The following PRRC2C variants were observed in gnomAD, a reference collection of about 807,000 sequenced individuals.
PRRC2C encodes the protein protein PRRC2C.
In PRRC2C, 72 loss-of-function variants were observed where a neutral mutation model predicts 317.2. The observed-to-expected ratio is 0.23, with a 90% confidence interval of 0.19 to 0.28. The LOEUF (loss-of-function observed/expected upper bound fraction) is 0.28. PRRC2C is among the 10% of genes least tolerant of loss of function. The pLI, the probability that PRRC2C is intolerant of heterozygous loss-of-function variation, is 1.00. For missense variants in PRRC2C, 3,074 were observed against 3,459.7 expected, an observed-to-expected ratio of 0.89 and a Z score of 2.80; for synonymous variants, 1,296 against 1,205.9, an observed-to-expected ratio of 1.07 and a Z score of -1.55.
At chr1:171,559,954 A>T (rs774596095) in intron 19 of PRRC2C, among the ~76,000 whole-genome samples, 2 of 152,186 alleles carry the variant, frequency 1.3e-5, no homozygotes, top group Non-Finnish European at 2.9e-5. Context: ...GATATACAGG[A>T]AGATTTATGT....
intron 6 of PRRC2C, among the ~76,000 whole-genome samples, chr1:171,520,860 A>G (rs1452747081): frequency 7.2e-6 from 1 of 139,460 alleles, no homozygotes; most frequent in Non-Finnish European, 1.5e-5. Flanking sequence ...GCTGGAGTGC[A>G]GTGGTGCGAT....
chr1:171,506,290 T>G (rs1670202566), intron 1 of PRRC2C, among the ~76,000 whole-genome samples: 1 of 152,236 alleles, frequency 6.6e-6, no homozygotes, highest in African/African-American at 2.4e-5. Context: ...CTCTACTGCT[T>G]GCAGCATTTC....
intron 26 of PRRC2C, 95 bp from the exon 27 acceptor site, chr1:171,579,259 T>A: frequency 7.0e-7 from 1 of 1,438,306 alleles, no homozygotes; most frequent in Non-Finnish European, 9.2e-7. Context: ...TGCACTTAAT[T>A]TGGAATCTGC....
intron 1 of PRRC2C, among the ~76,000 whole-genome samples, chr1:171,507,035 C>T (rs113341604): frequency 6.6e-5 from 10 of 152,012 alleles, no homozygotes; most frequent in African/African-American, 2.4e-4. Context: ...TCCCCACCCC[C>T]CTTGATTCTG....
chr1:171,579,575 G>A (rs751776317), intron 27 of PRRC2C, 109 bp downstream of exon 27: 50 of 1,431,200 alleles, frequency 3.5e-5, no homozygotes, highest in Non-Finnish European at 4.1e-5. Flanking sequence ...AGCTACCCAC[G>A]ATTAGCTTGA....
Position 171,577,692 on chromosome 1 carries a change from T to C in PRRC2C, c.7159+55T>C, listed in dbSNP as rs975635522. On this transcript the variant is annotated intron_variant, in intron 26 of 34. Coordinates refer to ENST00000647382, the MANE Select transcript of PRRC2C (RefSeq NM_001387844.1). ...TTTAGAAAATGAAGACTTACTAAAATGCTTATTTTTGTCTCTTCTTACCCT... is the reference window on the plus strand; with the variant it reads ...TTTAGAAAATGAAGACTTACTAAAACGCTTATTTTTGTCTCTTCTTACCCT... The C allele has an allele frequency of 8.4e-5, 127 of 1,506,318 alleles. No homozygotes were observed. The East Asian group carries it at 2.8e-3, about 33-fold the overall frequency. The allele number at this position is 1,506,318 out of a possible 1,614,324, so 93.3% of individuals were successfully genotyped here. A position where few individuals can be genotyped will look rare whatever the true frequency, so the allele number is the denominator to read the frequency against.
chr1:171,557,324 G>A lies in PRRC2C; in HGVS notation c.5212G>A (p.Gly1738Arg), dbSNP rs1459705164. ...AAGATTTGCCAAAAAACAGGCTACA[G>A]GGATCCAGCAAGCACAGTCTTCAGC... ...PPRFAKKQAT[G>R]IQQAQSSASV... The change falls in exon 19 of 35, where the codon GGG (glycine) becomes AGG (arginine). Residue 1738 changes from glycine to arginine, a missense_variant. Around this residue, in one of 11 missense-constraint regions of PRRC2C, gnomAD observed 640 missense variants for 676.1 expected, o/e 0.95. Coordinates refer to ENST00000647382, the MANE Select transcript of PRRC2C (RefSeq NM_001387844.1). 6.4e-7 allele frequency: 1 copy of A among 1,551,892 alleles called. No homozygotes were observed. Among genetic ancestry groups the A allele is most frequent in the Admixed American group, 2.0e-5 (1 of 50,978 alleles).
chr1:171,528,373 C>T (rs1315297645), intron 11 of PRRC2C, among the ~76,000 whole-genome samples: 1 of 151,008 alleles, frequency 6.6e-6, no homozygotes, highest in Non-Finnish European at 1.5e-5. Context: ...ACTGCAACCT[C>T]TGCCTCCTGG....
At chr1:171,528,464 G>GT (rs879405802) in intron 11 of PRRC2C, among the ~76,000 whole-genome samples, 19 of 150,562 alleles carry the variant, frequency 1.3e-4, no homozygotes, top group Admixed American at 4.0e-4. Flanking sequence ...AATTTTTTGT[G>GT]TTTTTTTTAG....
In PRRC2C at chr1:171,539,967, A is replaced by G. The variant is rs748212780; in HGVS notation, c.2505-4A>G. The G allele has an allele frequency of 2.5e-6, 4 of 1,597,698 alleles. No individual in the cohort carries two copies. The highest frequency in any genetic ancestry group is 1.1e-5 in the South Asian group (1 of 88,406). ...ATTATACCTTTGAATTCTTATCATC[A>G]TAGGTCTGAAGCTGCGTTGGACCAG... On this transcript the variant is annotated splice_polypyrimidine_tract_variant and splice_region_variant and intron_variant, in intron 15 of 34. Transcript: ENST00000647382.
Position 171,512,451 on chromosome 1 carries a change from G to C in PRRC2C, c.112+251G>C, listed in dbSNP as rs1571687973. 3 of 383,916 alleles carry C rather than the reference G, an allele frequency of 7.8e-6. No individual in the cohort carries two copies. The East Asian group carries it at 1.9e-4, about 25-fold the overall frequency. The allele number at this position is 383,916 out of a possible 1,614,324, so 23.8% of individuals were successfully genotyped here. ...TTGTCAGCAGAAAAAAGGTAGAACT[G>C]TGTGGCTCTAAAGGGGAAACTCAGT... On this transcript the variant is annotated intron_variant, in intron 2 of 34. Transcript: ENST00000647382.
In PRRC2C at chr1:171,536,171, A is replaced by G; in HGVS notation, c.2186A>G (p.His729Arg). Reference protein sequence around the residue: ...LYQPMQPHPQHLASMGFDPRW... With the variant: ...LYQPMQPHPQRLASMGFDPRW... ...CAGCCTATGCAGCCTCATCCTCAGC[A>G]TTTGGCTTCTATGGGTTTTGATCCA... The change falls in exon 14 of 35, where the codon CAT becomes CGT. Residue 729 changes from histidine to arginine, a missense_variant. His to Arg is a conservative substitution (Grantham distance 29). Coordinates refer to ENST00000647382, the MANE Select transcript of PRRC2C (RefSeq NM_001387844.1). The G allele has an allele frequency of 1.2e-6, 2 of 1,612,118 alleles. No homozygotes were observed. Among genetic ancestry groups the G allele is most frequent in the East Asian group, 2.2e-5 (1 of 44,846 alleles).
chr1:171,512,071 C>T lies in PRRC2C; in HGVS notation c.-18C>T, dbSNP rs1294417052. Reference sequence around the variant, plus strand: ...GGGGTGTGGCAGGAGGTTTTGGACTCGATGAGTTTCCACCGAAATGTCGGA... The same window carrying T: ...GGGGTGTGGCAGGAGGTTTTGGACTTGATGAGTTTCCACCGAAATGTCGGA... On this transcript the variant is annotated 5_prime_UTR_variant, in exon 2 of 35. Transcript: ENST00000647382. 8 of 1,499,540 alleles carry T rather than the reference C, an allele frequency of 5.3e-6. No individual in the cohort carries two copies. The highest frequency in any genetic ancestry group is 4.0e-5 in the Admixed American group (2 of 49,896). The allele number at this position is 1,499,540 out of a possible 1,614,324, so 92.9% of individuals were successfully genotyped here.
At chr1:171,543,464 C>G (rs558983971) in intron 16 of PRRC2C, among the ~76,000 whole-genome samples, 1 of 152,254 alleles carries the variant, frequency 6.6e-6, no homozygotes, top group South Asian at 2.1e-4. Context: ...TTCCCCTTTG[C>G]TTCCTCACCG....
chr1:171,547,685 C>T (rs1214593715), intron 17 of PRRC2C, among the ~76,000 whole-genome samples: 1 of 148,766 alleles, frequency 6.7e-6, no homozygotes, highest in Non-Finnish European at 1.5e-5. Flanking sequence ...GCTCTGTCCC[C>T]CAGGCTGGAA....
chr1:171,589,797 T>G (rs529086225), intron 34 of PRRC2C, among the ~76,000 whole-genome samples, 192 bp downstream of exon 34: 5 of 152,032 alleles, frequency 3.3e-5, no homozygotes, highest in Admixed American at 2.6e-4. Flanking sequence ...CTTTTTTTTC[T>G]TTTTGTTTCT....
At chr1:171,577,958 T>C (rs1399600932) in intron 26 of PRRC2C, among the ~76,000 whole-genome samples, 1 of 148,236 alleles carries the variant, frequency 6.7e-6, no homozygotes, top group Non-Finnish European at 1.5e-5. Flanking sequence ...TTCTTTTTTT[T>C]TTTTTTTTTT....
In PRRC2C at chr1:171,558,134, T is replaced by C; in HGVS notation, c.6022T>C (p.Ser2008Pro). The change falls in exon 19 of 35, where the codon TCT (serine) becomes CCT (proline). Residue 2008 changes from serine (S) to proline (P), a missense_variant. Physicochemically the swap from Ser to Pro is moderately conservative, Grantham distance 74. Coordinates refer to ENST00000647382, the MANE Select transcript of PRRC2C (RefSeq NM_001387844.1). ...CCCACCAGCTGTGCTGAATGATATCTCTAAGAAATGTAAGTTGCAAAAGAG... is the reference window on the plus strand; with the variant it reads ...CCCACCAGCTGTGCTGAATGATATCCCTAAGAAATGTAAGTTGCAAAAGAG... Reference protein sequence around the residue: ...VAPPAVLNDISKKLGPISPPQ... With the variant: ...VAPPAVLNDIPKKLGPISPPQ... The C allele has an allele frequency of 6.2e-7, 1 of 1,609,766 alleles. No individual in the cohort carries two copies. Among genetic ancestry groups the C allele is most frequent in the Non-Finnish European group, 8.5e-7 (1 of 1,177,142 alleles).
chr1:171,543,535 T>C (rs887100864), intron 16 of PRRC2C, among the ~76,000 whole-genome samples: 1 of 152,220 alleles, frequency 6.6e-6, no homozygotes, highest in Non-Finnish European at 1.5e-5. Context: ...ATACTTGTGA[T>C]GCACTTAATA....
Sources: allele counts gnomAD v4.1 joint callset (sites outside exome capture counted in the v4.1 genomes callset), GRCh38; gene constraint gnomAD v4.1.1; regional missense constraint gnomAD v4.1.1; transcripts MANE v1.5; gene names NCBI Gene and HGNC (gene_info 2026-07-23, HGNC 2026-07-21).